FIGN: variants seen among roughly 807,000 people sequenced by gnomAD.
FIGN encodes fidgetin.
In FIGN, 11 loss-of-function variants were observed where a neutral mutation model predicts 51.3. The ratio of observed to expected loss-of-function variants is 0.21; its 90% CI spans 0.13 to 0.35. FIGN has a LOEUF of 0.35. Ranked by LOEUF, FIGN falls within the 10% of genes least tolerant of loss-of-function variation. The pLI is 1.00. For missense variants in FIGN, 857 were observed against 943.6 expected (o/e 0.91, Z 1.20); for synonymous variants, 407 against 363.2 (o/e 1.12, Z -1.37).
chr2:163,684,899 C>T (rs1389193017), intron 2 of FIGN, among the ~76,000 whole-genome samples: 1 of 151,638 alleles, frequency 6.6e-6, no homozygotes, highest in Non-Finnish European at 1.5e-5. Flanking sequence ...CTCAGCCTCC[C>T]GAGTAGCTGG....
At chr2:163,619,235 T>C (rs1324125789) in intron 2 of FIGN, among the ~76,000 whole-genome samples, 1 of 152,174 alleles carries the variant, frequency 6.6e-6, no homozygotes, top group Non-Finnish European at 1.5e-5. Flanking sequence ...TACACGAGCA[T>C]TAGTACAACT....
chr2:163,690,981 C>T (rs1684231307), intron 2 of FIGN, among the ~76,000 whole-genome samples: 1 of 152,086 alleles, frequency 6.6e-6, no homozygotes, highest in Non-Finnish European at 1.5e-5. Flanking sequence ...GAACTGACTT[C>T]CGACTTAACA....
chr2:163,655,250 T>A (rs573741580), intron 2 of FIGN, among the ~76,000 whole-genome samples: 1 of 152,312 alleles, frequency 6.6e-6, no homozygotes, highest in Non-Finnish European at 1.5e-5. Flanking sequence ...AACATTCATT[T>A]TACAAACCTC....
chr2:163,727,634 C>T (rs1684857785), intron 2 of FIGN, among the ~76,000 whole-genome samples: 1 of 152,094 alleles, frequency 6.6e-6, no homozygotes, highest in African/African-American at 2.4e-5. Flanking sequence ...TTAAAGCCCC[C>T]CACTTTCACC....
At chr2:163,657,618 A>G (rs966462096) in intron 2 of FIGN, among the ~76,000 whole-genome samples, 2 of 152,182 alleles carry the variant, frequency 1.3e-5, no homozygotes, top group Non-Finnish European at 2.9e-5. Context: ...CAGAAGACTC[A>G]TGTAATTAAA....
At chr2:163,713,332 C>T (rs578136205) in intron 2 of FIGN, among the ~76,000 whole-genome samples, 2 of 152,132 alleles carry the variant, frequency 1.3e-5, no homozygotes, top group Non-Finnish European at 2.9e-5. Context: ...ATTATCAGTA[C>T]AAGTGGCTAT....
chr2:163,610,358 C>T lies in FIGN; in HGVS notation c.1474G>A (p.Asp492Asn), dbSNP rs759236740. 3.2e-5 allele frequency: 52 copies of T among 1,614,004 alleles called. No homozygotes were observed. Among genetic ancestry groups the T allele is most frequent in the Non-Finnish European group, 4.3e-5 (51 of 1,180,030 alleles). Residue 492 changes from aspartate (D) to asparagine (N), a missense_variant, in exon 3 of 3, where the codon GAC becomes AAC. Asp to Asn is a conservative substitution (Grantham distance 23). Transcript: ENST00000333129. ...TCTTTAATGACAGCCTTCACCAGGTCGAGACCAGCAATGTCATTCCAGTCC... is the reference window on the plus strand; with the variant it reads ...TCTTTAATGACAGCCTTCACCAGGTTGAGACCAGCAATGTCATTCCAGTCC... ...PVDWNDIAGL[D>N]LVKAVIKEEV...
chr2:163,722,754 G>C (rs531587879), intron 2 of FIGN, among the ~76,000 whole-genome samples: 1 of 151,116 alleles, frequency 6.6e-6, no homozygotes, highest in Admixed American at 6.6e-5. Context: ...TATTTTTCAG[G>C]GTTATAAAGT....
At chr2:163,693,878 C>A (rs1382284845) in intron 2 of FIGN, among the ~76,000 whole-genome samples, 1 of 152,148 alleles carries the variant, frequency 6.6e-6, no homozygotes, top group Non-Finnish European at 1.5e-5. Flanking sequence ...CCACATCAAA[C>A]AAACTGAGCC....
At chr2:163,722,600 A>C (rs1684774974) in intron 2 of FIGN, among the ~76,000 whole-genome samples, 1 of 152,206 alleles carries the variant, frequency 6.6e-6, no homozygotes, top group African/African-American at 2.4e-5. Flanking sequence ...ACCTATAATC[A>C]AAGTAGTCTA....
intron 2 of FIGN, among the ~76,000 whole-genome samples, chr2:163,719,808 G>A (rs1374732703): frequency 2.0e-5 from 3 of 152,020 alleles, no homozygotes; most frequent in Admixed American, 1.3e-4. Flanking sequence ...TGAGGGATGG[G>A]GGAAGTTATT....
At chr2:163,706,549 T>C (rs764287464) in intron 2 of FIGN, among the ~76,000 whole-genome samples, 10 of 152,200 alleles carry the variant, frequency 6.6e-5, no homozygotes, top group Non-Finnish European at 8.8e-5. Context: ...CCTGTAAATG[T>C]CTGTATTTAT....
At chr2:163,735,378 C>T (rs1684999243) in intron 1 of FIGN, among the ~76,000 whole-genome samples, 1 of 152,104 alleles carries the variant, frequency 6.6e-6, no homozygotes, top group African/African-American at 2.4e-5. Flanking sequence ...TTTCTCGTTC[C>T]CCCAGCCACG....
chr2:163,695,661 C>T (rs1473317878), intron 2 of FIGN, among the ~76,000 whole-genome samples: 2 of 152,172 alleles, frequency 1.3e-5, no homozygotes, highest in African/African-American at 4.8e-5. Context: ...CCTGGGCAAA[C>T]TAAGATGTAT....
chr2:163,615,737 T>G (rs935569267), intron 2 of FIGN, among the ~76,000 whole-genome samples: 1 of 152,178 alleles, frequency 6.6e-6, no homozygotes, highest in African/African-American at 2.4e-5. Context: ...ATTAGAAGCA[T>G]GACTTTAGAA....
chr2:163,697,459 T>C, intron 2 of FIGN, among the ~76,000 whole-genome samples: 1 of 151,872 alleles, frequency 6.6e-6, no homozygotes, highest in East Asian at 1.9e-4. Flanking sequence ...ACCACAGTGG[T>C]CCTCTCAGAG....
chr2:163,734,919 A>G lies in FIGN; in HGVS notation c.9T>C (p.Ser3=). The G allele has an allele frequency of 6.2e-7, 1 of 1,611,124 alleles. No individual in the cohort carries two copies. The highest frequency in any genetic ancestry group is 8.5e-7 in the Non-Finnish European group (1 of 1,178,916). Residue 3 remains serine (S), a synonymous_variant, in exon 2 of 3, where the codon AGT becomes AGC. Transcript: ENST00000333129. MI[S]STSVYGLKMQ... The stretch of plus-strand genomic sequence containing the variant: ...CTGACATACCATAAACACTGGTGCT[A>G]CTGATCATTTCTTGCTGGCAGCACA...
At chr2:163,701,957 C>A (rs1393669752) in intron 2 of FIGN, among the ~76,000 whole-genome samples, 1 of 152,090 alleles carries the variant, frequency 6.6e-6, no homozygotes, top group African/African-American at 2.4e-5. Flanking sequence ...GATTTTGCAA[C>A]CTCGCCCCCA....
intron 2 of FIGN, among the ~76,000 whole-genome samples, chr2:163,650,028 C>T (rs1280850061): frequency 6.6e-6 from 1 of 152,030 alleles, no homozygotes; most frequent in Non-Finnish European, 1.5e-5. Context: ...GCGCTCATCC[C>T]ATTACATTGG....
Sources: allele counts gnomAD v4.1 joint callset (sites outside exome capture counted in the v4.1 genomes callset), GRCh38; gene constraint gnomAD v4.1.1; transcripts MANE v1.5; gene names NCBI Gene and HGNC (gene_info 2026-07-23, HGNC 2026-07-21).